KCNQ3: variants seen among roughly 807,000 people sequenced by gnomAD.
The protein encoded by KCNQ3 is potassium voltage-gated channel subfamily Q member 3, also known as potassium voltage-gated channel subfamily KQT member 3.
KCNQ3 carries 30 observed loss-of-function variants against 92.5 expected under a neutral mutation model. That is an observed-to-expected ratio of 0.32 (90% CI 0.24 to 0.44). KCNQ3 has a LOEUF of 0.44. Ranked by LOEUF, KCNQ3 falls within the 20% of genes least tolerant of loss-of-function variation. The probability of loss-of-function intolerance (pLI) is 1.00; values close to 1 mark genes in which losing one functional copy is unlikely to be tolerated. For synonymous variants in KCNQ3, 450 were observed against 468.8 expected (o/e 0.96, Z 0.52); for missense variants, 913 against 1,140.3 (o/e 0.80, Z 2.87).
At chr8:132,244,195 T>C (rs2403737) in intron 1 of KCNQ3, among the ~76,000 whole-genome samples, 87,894 of 152,094 alleles carry the variant, frequency 0.58, 26,201 homozygotes, top group East Asian at 0.81. Context: ...GAGCCAACAA[T>C]GACTATCTTT....
intron 1 of KCNQ3, among the ~76,000 whole-genome samples, chr8:132,427,233 C>A (rs1029176876): frequency 6.6e-6 from 1 of 152,182 alleles, no homozygotes; most frequent in Admixed American, 6.5e-5. Context: ...TGCCCTTCTG[C>A]CTCTATGGGA....
intron 1 of KCNQ3, among the ~76,000 whole-genome samples, chr8:132,271,029 A>C (rs780231966): frequency 6.6e-6 from 1 of 152,238 alleles, no homozygotes; most frequent in Non-Finnish European, 1.5e-5. Flanking sequence ...ATGTGGCTCC[A>C]CATTCCAGCA....
At chr8:132,413,405 C>T (rs1466751270) in intron 1 of KCNQ3, among the ~76,000 whole-genome samples, 1 of 152,210 alleles carries the variant, frequency 6.6e-6, no homozygotes, top group Non-Finnish European at 1.5e-5. Context: ...GGAAGCCTTC[C>T]CTGACTGCCT....
At chr8:132,302,025 G>C (rs567030719) in intron 1 of KCNQ3, among the ~76,000 whole-genome samples, 1 of 152,312 alleles carries the variant, frequency 6.6e-6, no homozygotes, top group East Asian at 1.9e-4. Context: ...AAAGGAAGTG[G>C]CACTCGAGTG....
At chr8:132,147,749 G>C (rs1825498892) in intron 9 of KCNQ3, among the ~76,000 whole-genome samples, 1 of 152,212 alleles carries the variant, frequency 6.6e-6, no homozygotes, top group Non-Finnish European at 1.5e-5. Flanking sequence ...TCGAAGAAAG[G>C]GTTAATCTGT....
chr8:132,312,218 C>T (rs1394850916), intron 1 of KCNQ3, among the ~76,000 whole-genome samples: 3 of 152,174 alleles, frequency 2.0e-5, no homozygotes, highest in African/African-American at 7.2e-5. Flanking sequence ...GGTTGTGGTG[C>T]TTTGTTATGG....
At chr8:132,466,672 T>C (rs551410775) in intron 1 of KCNQ3, among the ~76,000 whole-genome samples, 2 of 152,312 alleles carry the variant, frequency 1.3e-5, no homozygotes, top group South Asian at 4.1e-4. Context: ...CAATTTGTCT[T>C]GGAATCACCT....
intron 1 of KCNQ3, among the ~76,000 whole-genome samples, chr8:132,211,857 G>A (rs1011777914): frequency 9.9e-5 from 15 of 150,850 alleles, no homozygotes; most frequent in South Asian, 2.1e-4. Flanking sequence ...GGAGGCTGAG[G>A]CAGGAGAACT....
intron 9 of KCNQ3, among the ~76,000 whole-genome samples, chr8:132,152,988 A>G (rs1825684762): frequency 6.6e-6 from 1 of 152,234 alleles, no homozygotes; most frequent in Non-Finnish European, 1.5e-5. Context: ...TTAAACAAAA[A>G]TGAGTATTGG....
chr8:132,288,026 A>G (rs576451048), intron 1 of KCNQ3, among the ~76,000 whole-genome samples: 51 of 152,290 alleles, frequency 3.3e-4, no homozygotes, highest in Non-Finnish European at 5.6e-4. Flanking sequence ...AGAAACCATG[A>G]TTTTGTTCAC....
intron 9 of KCNQ3, among the ~76,000 whole-genome samples, chr8:132,148,698 A>G (rs578005253): frequency 3.3e-5 from 5 of 152,342 alleles, no homozygotes; most frequent in South Asian, 2.1e-4. Context: ...TGAGGGCCCA[A>G]ATAAATCAAA....
intron 12 of KCNQ3, 32 bp from the exon 13 acceptor site, chr8:132,134,420 TACAC>T: frequency 7.0e-7 from 1 of 1,424,382 alleles, no homozygotes; most frequent in South Asian, 1.1e-5. Flanking sequence ...GGGATTAAAT[TACAC>T]AGAGCTTTGT....
intron 1 of KCNQ3, among the ~76,000 whole-genome samples, chr8:132,349,571 G>C (rs1056243830): frequency 1.3e-5 from 2 of 152,308 alleles, no homozygotes; most frequent in South Asian, 4.1e-4. Flanking sequence ...TGCAAGAAGG[G>C]GCTTGGGATA....
intron 1 of KCNQ3, among the ~76,000 whole-genome samples, chr8:132,220,615 G>A (rs570268182): frequency 6.6e-6 from 1 of 152,222 alleles, no homozygotes; most frequent in South Asian, 2.1e-4. Flanking sequence ...TGGGCATGGT[G>A]ATGGATGCCT....
At chr8:132,376,550 T>A (rs1218114650) in intron 1 of KCNQ3, among the ~76,000 whole-genome samples, 1 of 152,220 alleles carries the variant, frequency 6.6e-6, no homozygotes, top group African/African-American at 2.4e-5. Context: ...GAGAGAAAAG[T>A]GCCATCCAGC....
At chr8:132,333,008 ATGAATGGAT>A (rs1818270712) in intron 1 of KCNQ3, among the ~76,000 whole-genome samples, 2 of 147,664 alleles carry the variant, frequency 1.4e-5, no homozygotes, top group Admixed American at 6.9e-5. Context: ...GAGAGGATGG[ATGAATGGAT>A]TGGATGGATG....
At chr8:132,145,874 G>C (rs567955901) in intron 9 of KCNQ3, among the ~76,000 whole-genome samples, 38 of 152,320 alleles carry the variant, frequency 2.5e-4, no homozygotes, top group African/African-American at 8.7e-4. Context: ...GCTGAGATCT[G>C]AAAGGCAAGA....
chr8:132,322,307 A>G (rs1817918723), intron 1 of KCNQ3, among the ~76,000 whole-genome samples: 1 of 152,180 alleles, frequency 6.6e-6, no homozygotes, highest in African/African-American at 2.4e-5. Context: ...CCAGAGAGTC[A>G]TTTGGAAAGA....
At chr8:132,310,073 T>C (rs1437179526) in intron 1 of KCNQ3, among the ~76,000 whole-genome samples, 5 of 152,178 alleles carry the variant, frequency 3.3e-5, no homozygotes, top group Admixed American at 3.3e-4. Context: ...TAGGTTACCA[T>C]AGGAATAGAT....
Sources: gnomAD v4.1 joint callset for allele counts (sites outside exome capture counted in the v4.1 genomes callset) on GRCh38, gnomAD v4.1.1 for gene constraint, MANE v1.5 for transcripts, NCBI Gene and HGNC (gene_info 2026-07-23, HGNC 2026-07-21) for gene names.